The following SEMA6D variants were observed in gnomAD, a reference collection of about 807,000 sequenced individuals.
SEMA6D encodes semaphorin 6D, also known as semaphorin-6D.
Under a neutral mutation model 106.6 loss-of-function variants are expected in SEMA6D, and 35 were observed. The ratio of observed to expected loss-of-function variants is 0.33; its 90% CI spans 0.25 to 0.44. SEMA6D has a LOEUF of 0.44. Among genes scored for constraint, SEMA6D ranks in the 20% least tolerant of loss-of-function variants. The pLI is 1.00. For synonymous variants in SEMA6D, 499 were observed against 487.7 expected (o/e 1.02, Z -0.31); for missense variants, 1,185 against 1,345.9 (o/e 0.88, Z 1.87).
intron 1 of SEMA6D, among the ~76,000 whole-genome samples, chr15:47,387,795 C>T (rs969863465): frequency 3.9e-5 from 6 of 152,222 alleles, no homozygotes; most frequent in African/African-American, 1.2e-4. Context: ...CTTACTAGCT[C>T]TGCATCATTG....
At chr15:47,259,753 G>A (rs1036080406) in intron 1 of SEMA6D, among the ~76,000 whole-genome samples, 6 of 152,118 alleles carry the variant, frequency 3.9e-5, no homozygotes, top group Non-Finnish European at 5.9e-5. Context: ...GCTGCAATAT[G>A]TGCAAATATT....
At chr15:47,582,445 C>A (rs1438412685) in intron 3 of SEMA6D, among the ~76,000 whole-genome samples, 1 of 152,218 alleles carries the variant, frequency 6.6e-6, no homozygotes, top group East Asian at 1.9e-4. Context: ...AGGCTAAATG[C>A]CACAGGGTAA....
chr15:47,537,376 A>G (rs2045202386), intron 3 of SEMA6D, among the ~76,000 whole-genome samples: 1 of 152,214 alleles, frequency 6.6e-6, no homozygotes, highest in African/African-American at 2.4e-5. Flanking sequence ...ATAAGTGTTC[A>G]AGGTAGAAGG....
chr15:47,199,852 T>G (rs1188404953), intron 1 of SEMA6D, among the ~76,000 whole-genome samples: 1 of 152,128 alleles, frequency 6.6e-6, no homozygotes, highest in Non-Finnish European at 1.5e-5. Flanking sequence ...TTTACCAAAT[T>G]CATACTGTGC....
intron 3 of SEMA6D, among the ~76,000 whole-genome samples, chr15:47,529,786 T>A (rs1337990570): frequency 6.6e-6 from 1 of 152,150 alleles, no homozygotes; most frequent in African/African-American, 2.4e-5. Context: ...GGGAAGGCTA[T>A]CATATTTATT....
chr15:47,202,726 A>T (rs1268233782), intron 1 of SEMA6D, among the ~76,000 whole-genome samples: 2 of 152,104 alleles, frequency 1.3e-5, no homozygotes, highest in Non-Finnish European at 2.9e-5. Flanking sequence ...CTGCTCTAAA[A>T]CTTGCCGCAG....
At chr15:47,546,771 T>G (rs2045534569) in intron 3 of SEMA6D, among the ~76,000 whole-genome samples, 1 of 151,908 alleles carries the variant, frequency 6.6e-6, no homozygotes, top group Non-Finnish European at 1.5e-5. Context: ...ACCATTCATA[T>G]TCAGGTTTCC....
chr15:47,437,420 A>G (rs2041754020), intron 2 of SEMA6D, among the ~76,000 whole-genome samples: 1 of 152,136 alleles, frequency 6.6e-6, no homozygotes, highest in South Asian at 2.1e-4. Context: ...GTCATCTACA[A>G]GCATGTCAGA....
intron 3 of SEMA6D, among the ~76,000 whole-genome samples, chr15:47,539,315 G>T (rs1001545250): frequency 1.3e-5 from 2 of 152,080 alleles, no homozygotes; most frequent in Non-Finnish European, 2.9e-5. Flanking sequence ...AAAAGAAATA[G>T]GCTCACATAA....
chr15:47,762,123 G>T, intron 7 of SEMA6D, 77 bp from the exon 8 acceptor site: 1 of 1,552,046 alleles, frequency 6.4e-7, no homozygotes, highest in Non-Finnish European at 8.8e-7. Context: ...CGCTCCAAAG[G>T]GCATAACACG....
chr15:47,338,049 A>C (rs1410570738), intron 1 of SEMA6D, among the ~76,000 whole-genome samples: 2 of 152,162 alleles, frequency 1.3e-5, no homozygotes, highest in Non-Finnish European at 2.9e-5. Flanking sequence ...CTAGTTCTGC[A>C]CTTTTGTAAC....
At chr15:47,618,334 C>T (rs12917100) in intron 4 of SEMA6D, among the ~76,000 whole-genome samples, 37,514 of 152,156 alleles carry the variant, frequency 0.25, 5,465 homozygotes, top group East Asian at 0.46. Flanking sequence ...GCAAGCCACC[C>T]TCTGACCGAG....
At chr15:47,724,412 T>G (rs953447765) in intron 1 of SEMA6D, among the ~76,000 whole-genome samples, 2 of 152,230 alleles carry the variant, frequency 1.3e-5, no homozygotes, top group African/African-American at 4.8e-5. Flanking sequence ...GCTGAAACGC[T>G]GTGTGTTTTA....
At chr15:47,389,559 C>T (rs554831857) in intron 1 of SEMA6D, among the ~76,000 whole-genome samples, 44 of 152,182 alleles carry the variant, frequency 2.9e-4, no homozygotes, top group African/African-American at 4.6e-4. Context: ...ATTGAGGTTA[C>T]GGTAAAAGAT....
At chr15:47,506,887 C>T (rs1379867912) in intron 3 of SEMA6D, among the ~76,000 whole-genome samples, 1 of 152,134 alleles carries the variant, frequency 6.6e-6, no homozygotes, top group Non-Finnish European at 1.5e-5. Flanking sequence ...ACAACAATAG[C>T]TACACTCATC....
intron 1 of SEMA6D, among the ~76,000 whole-genome samples, chr15:47,746,705 A>G (rs1284614624): frequency 6.6e-6 from 1 of 152,152 alleles, no homozygotes; most frequent in Non-Finnish European, 1.5e-5. Flanking sequence ...GTCATCTGGT[A>G]GAATAAGCCA....
At position 47,728,653 on chromosome 15, in the gene SEMA6D, T is replaced by G. The variant is rs536278519; in HGVS notation, c.-55+10961T>G. ...CCACACAGATGTATTATTTTAGTTC[T>G]GGAGGTCAGAAGTCTGAAACGGGTT... On this transcript the variant is annotated intron_variant, in intron 1 of 18. Transcript: ENST00000536845. Among the ~76,000 whole-genome samples the G allele has an allele frequency of 1.2e-4, 19 of 152,358 alleles. No individual in the cohort carries two copies. In the South Asian group the frequency reaches 3.9e-3, roughly 32 times the overall value.
chr15:47,267,860 G>T (rs2034392254), intron 1 of SEMA6D, among the ~76,000 whole-genome samples: 1 of 151,996 alleles, frequency 6.6e-6, no homozygotes, highest in South Asian at 2.1e-4. Flanking sequence ...GACTGCTTTT[G>T]ATTTTACGTT....
Position 47,385,065 on chromosome 15 carries a change from T to TTTTTTTTTTTTTTTTA in SEMA6D, c.-238-27328_-238-27327insTTTTTTTTTTTTTTTA, listed in dbSNP as rs35758807. Among the ~76,000 whole-genome samples, 14 of 137,226 alleles carry TTTTTTTTTTTTTTTTA rather than the reference T, an allele frequency of 1.0e-4. 1 individual carries two copies. The highest frequency in any genetic ancestry group is 3.0e-4 in the Admixed American group (4 of 13,318). 90.0% of individuals were successfully genotyped at this position (137,226 alleles called of 152,430 possible). Reference sequence around the variant, plus strand: ...CTGTAATTTTTTTTTTTTTTTTTTTTACCATAGAACTCATAAGGCAGCGTT... The same window carrying TTTTTTTTTTTTTTTTA: ...CTGTAATTTTTTTTTTTTTTTTTTTTTTTTTTTTTTTTTTTAACCATAGAACTCATAAGGCAGCGTT... On this transcript the variant is annotated intron_variant, in intron 1 of 19. Transcript: ENST00000558014.
Sources: allele counts gnomAD v4.1 joint callset (sites outside exome capture counted in the v4.1 genomes callset), GRCh38; gene constraint gnomAD v4.1.1; transcripts MANE v1.5; gene names NCBI Gene and HGNC (gene_info 2026-07-23, HGNC 2026-07-21).